The following MAML2 variants were observed in gnomAD, a reference collection of about 807,000 sequenced individuals.
The protein encoded by MAML2 is mastermind-like protein 2.
A neutral mutation model predicts 96.1 loss-of-function variants in MAML2; 22 were observed. The observed-to-expected ratio is 0.23, with a 90% CI of 0.16 to 0.33. The LOEUF is 0.33. Among genes scored for constraint, MAML2 ranks in the 10% least tolerant of loss-of-function variants. The probability of loss-of-function intolerance (pLI) is 1.00; values close to 1 mark genes in which losing one functional copy is unlikely to be tolerated. For missense variants in MAML2, 1,367 were observed against 1,392.4 expected (o/e 0.98, Z 0.29); for synonymous variants, 561 against 521.3 (o/e 1.08, Z -1.04).
rs563338112 is a variant in MAML2 at position 96,095,990 on chromosome 11, CA to C, written c.514-2474del. The stretch of plus-strand genomic sequence containing the variant: ...GCTATCACCACATCCAGCAGAAACT[CA>C]GAGTTACCACTGTCTATCCTCATGG... On this transcript the variant is annotated intron_variant, in intron 1 of 4. Coordinates refer to ENST00000524717, the MANE Select transcript of MAML2 (RefSeq NM_032427.4). Among the ~76,000 whole-genome samples the C allele has an allele frequency of 9.7e-3, 1,485 of 152,312 alleles. 18 individuals are homozygous for C. Among genetic ancestry groups the C allele is most frequent in the South Asian group, 0.038 (185 of 4,832 alleles).
chr11:96,032,176 G>A (rs1186137363), intron 2 of MAML2, among the ~76,000 whole-genome samples: 3 of 152,004 alleles, frequency 2.0e-5, no homozygotes, highest in Non-Finnish European at 2.9e-5. Context: ...CTCCAGACAG[G>A]ATAGCAAAGT....
chr11:96,045,004 C>G (rs1858873546), intron 2 of MAML2, among the ~76,000 whole-genome samples: 3 of 152,022 alleles, frequency 2.0e-5, no homozygotes, highest in Middle Eastern at 6.8e-3. Context: ...TTTGCCTACA[C>G]AAGAGCACTT....
chr11:96,092,717 C>A lies in MAML2; in HGVS notation c.1314G>T (p.Gln438His). Residue 438 changes from glutamine (Q) to histidine (H), a missense_variant, in exon 2 of 5, where the codon CAG (glutamine) becomes CAT (histidine). Gln to His is a conservative substitution (Grantham distance 24). Transcript: ENST00000524717. The surrounding 1 kb of genome is among the most constrained non-coding windows in gnomAD (Gnocchi z 4.1). Reference protein sequence around the residue: ...QEVSHAQQLKQIAANRQQHAR... With the variant: ...QEVSHAQQLKHIAANRQQHAR... ...CATGCTGCTGACGATTAGCAGCTAT[C>A]TGTTTGAGCTGCTGGGCATGGGATA... 1.2e-6 allele frequency: 2 copies of A among 1,613,946 alleles called. No homozygotes were observed. The highest frequency in any genetic ancestry group is 8.5e-7 in the Non-Finnish European group (1 of 1,179,902).
chr11:96,201,573 T>C lies in MAML2; in HGVS notation c.514-108056A>G, dbSNP rs149174192. ...GAATATATCAAAATGTCTATGAGTATAAAAGCTTAGACCAAGTGGAGTCAT... is the reference window on the plus strand; with the variant it reads ...GAATATATCAAAATGTCTATGAGTACAAAAGCTTAGACCAAGTGGAGTCAT... On this transcript the variant is annotated intron_variant, in intron 1 of 4. Coordinates refer to ENST00000524717, the MANE Select transcript of MAML2 (RefSeq NM_032427.4). 2.4e-3 allele frequency among the ~76,000 whole-genome samples: 365 copies of C among 152,278 alleles called. 1 individual carries two copies. The highest frequency in any genetic ancestry group is 8.1e-3 in the African/African-American group (337 of 41,558).
At chr11:96,242,050 A>G (rs925579659) in intron 1 of MAML2, among the ~76,000 whole-genome samples, 1 of 152,352 alleles carries the variant, frequency 6.6e-6, no homozygotes, top group African/African-American at 2.4e-5. Flanking sequence ...GCTAAGGTTC[A>G]TCACAACCAT....
chr11:96,305,319 C>T (rs183468129), intron 1 of MAML2, among the ~76,000 whole-genome samples: 1 of 152,068 alleles, frequency 6.6e-6, no homozygotes, highest in Non-Finnish European at 1.5e-5. Flanking sequence ...GAATACAACA[C>T]CAAGAGTGAA....
rs550702710 is a variant in MAML2, at chr11:96,296,677, T to A, written c.513+44706A>T. Among the ~76,000 whole-genome samples, 6 of 152,030 alleles carry A rather than the reference T, an allele frequency of 3.9e-5. No individual in the cohort carries two copies. The South Asian group carries it at 6.2e-4, about 16-fold the overall frequency. ...AAAATTAAATAAATAAATAAATAAATAAGAAGCAGAGAGAAAAATTCTACT... is the reference window on the plus strand; with the variant it reads ...AAAATTAAATAAATAAATAAATAAAAAAGAAGCAGAGAGAAAAATTCTACT... On this transcript the variant is annotated intron_variant, in intron 1 of 4. Transcript: ENST00000524717.
At chr11:96,284,717 A>C (rs757651534) in intron 1 of MAML2, among the ~76,000 whole-genome samples, 6 of 152,224 alleles carry the variant, frequency 3.9e-5, no homozygotes, top group African/African-American at 4.8e-5. Flanking sequence ...TAGCAACCGC[A>C]GTTTAGAATT....
intron 1 of MAML2, among the ~76,000 whole-genome samples, chr11:96,128,062 T>C (rs1177779346): frequency 6.6e-6 from 1 of 152,182 alleles, no homozygotes; most frequent in Non-Finnish European, 1.5e-5. Context: ...GGATGCGGAC[T>C]GGGTGTCTGG....
At position 96,224,421 on chromosome 11, in the gene MAML2, A is replaced by G. The variant is rs1055961121; in HGVS notation, c.513+116962T>C. On this transcript the variant is annotated intron_variant, in intron 1 of 4. Coordinates refer to ENST00000524717, the MANE Select transcript of MAML2 (RefSeq NM_032427.4). The stretch of plus-strand genomic sequence containing the variant: ...CCAACCCCATGACTACTGTCCCTGG[A>G]GATCTATACTTTCCTACCTCTATGC... Among the ~76,000 whole-genome samples, 3 of 152,308 alleles carry G rather than the reference A, an allele frequency of 2.0e-5. No individual in the cohort carries two copies. The South Asian group carries it at 6.2e-4, about 32-fold the overall frequency.
intron 1 of MAML2, among the ~76,000 whole-genome samples, chr11:96,275,101 T>C (rs1862969098): frequency 6.6e-6 from 1 of 152,112 alleles, no homozygotes; most frequent in Non-Finnish European, 1.5e-5. Context: ...AAATTCCCTA[T>C]GGGTGGACAT....
At chr11:96,041,567 A>G (rs1398626921) in intron 2 of MAML2, among the ~76,000 whole-genome samples, 1 of 152,074 alleles carries the variant, frequency 6.6e-6, no homozygotes, top group Non-Finnish European at 1.5e-5. Context: ...AGAAAAAAGA[A>G]GGTGGTATTC....
chr11:96,276,820 A>C (rs1287480988), intron 1 of MAML2, among the ~76,000 whole-genome samples: 1 of 150,292 alleles, frequency 6.7e-6, no homozygotes, highest in African/African-American at 2.4e-5. Flanking sequence ...CAGACCCAAA[A>C]AAAAAAAAAA....
At chr11:96,119,745 C>T (rs927057345) in intron 1 of MAML2, among the ~76,000 whole-genome samples, 1 of 152,092 alleles carries the variant, frequency 6.6e-6, no homozygotes, top group African/African-American at 2.4e-5. Context: ...CTATTCCTTC[C>T]CCACACACCC....
At chr11:96,299,060 A>ATATATATATATATATATATATAT (rs1555037072) in intron 1 of MAML2, among the ~76,000 whole-genome samples, 18 of 56,304 alleles carry the variant, frequency 3.2e-4, no homozygotes, top group South Asian at 1.4e-3. Context: ...AAAAAAAAAA[A>ATATATATATATATATATATATAT]ATATATATAT....
At chr11:96,294,045 A>G (rs1863252557) in intron 1 of MAML2, among the ~76,000 whole-genome samples, 1 of 152,222 alleles carries the variant, frequency 6.6e-6, no homozygotes, top group Admixed American at 6.5e-5. Flanking sequence ...GAGGCCAATG[A>G]ATTTTAAGTA....
intron 1 of MAML2, among the ~76,000 whole-genome samples, chr11:96,122,868 A>C (rs747688640): frequency 2.6e-5 from 4 of 152,246 alleles, no homozygotes; most frequent in Admixed American, 2.0e-4. Context: ...CATTATGCAT[A>C]GTGAATATCC....
chr11:96,204,251 TAAATA>T (rs1861866163), intron 1 of MAML2, among the ~76,000 whole-genome samples: 1 of 152,194 alleles, frequency 6.6e-6, no homozygotes, highest in Non-Finnish European at 1.5e-5. Flanking sequence ...CCAAGTTAAT[TAAATA>T]GTCATTCAAT....
chr11:96,218,785 TAAATAAC>T (rs2135944663), intron 1 of MAML2, among the ~76,000 whole-genome samples: 1 of 152,328 alleles, frequency 6.6e-6, no homozygotes, highest in South Asian at 2.1e-4. Context: ...GAATTTCAGA[TAAATAAC>T]AAATAAGTTT....
Sources: gnomAD v4.1 joint callset for allele counts (sites outside exome capture counted in the v4.1 genomes callset) on GRCh38, gnomAD v4.1.1 for gene constraint, Gnocchi (gnomAD v3.1) non-coding constraint, MANE v1.5 for transcripts, NCBI Gene and HGNC (gene_info 2026-07-23, HGNC 2026-07-21) for gene names.